ATP11C: variants seen among roughly 807,000 people sequenced by gnomAD.
The protein encoded by ATP11C is ATPase phospholipid transporting 11C (ATP11C blood group).
ATP11C carries 36 observed loss-of-function variants against 97.4 expected under a neutral mutation model. The ratio of observed to expected loss-of-function variants is 0.37; its 90% CI spans 0.28 to 0.49. ATP11C has a LOEUF of 0.49. Among genes scored for constraint, ATP11C ranks in the 20% least tolerant of loss-of-function variants. The pLI, the probability that ATP11C is intolerant of heterozygous loss-of-function variation, is 0.98. For missense variants in ATP11C, 730 were observed against 824.6 expected (o/e 0.89, Z 1.40); for synonymous variants, 275 against 290.9 (o/e 0.95, Z 0.56).
At chrX:139,859,186 C>T in intron 1 of ATP11C, among the ~76,000 whole-genome samples, 1 of 111,657 alleles carries the variant, frequency 9.0e-6, no homozygotes, top group South Asian at 3.7e-4. Context: ...AGAATAGCGG[C>T]AACTACAGGC....
At chrX:139,833,026 G>A (rs989816237) in intron 1 of ATP11C, among the ~76,000 whole-genome samples, 18 of 112,033 alleles carry the variant, frequency 1.6e-4, no homozygotes, top group African/African-American at 5.5e-4. Flanking sequence ...GAAGAGATAA[G>A]AAACTCTAGC....
chrX:139,779,391 G>A (rs778635392), intron 18 of ATP11C, among the ~76,000 whole-genome samples: 2 of 111,686 alleles, frequency 1.8e-5, no homozygotes, highest in Admixed American at 9.5e-5. Context: ...CATCTTCTCA[G>A]AACAGAGTGA....
chrX:139,888,690 A>T (rs891562802), intron 1 of ATP11C, among the ~76,000 whole-genome samples: 2 of 111,249 alleles, frequency 1.8e-5, no homozygotes, highest in African/African-American at 6.5e-5. Flanking sequence ...CTTAAGATAT[A>T]AAGTTAAATA....
At chrX:139,934,114 C>G (rs2085494167), upstream of ATP11C, among the ~76,000 whole-genome samples, 1 of 111,535 alleles carries the variant, frequency 9.0e-6, no homozygotes, top group African/African-American at 3.3e-5. Context: ...AGGGAGAGGT[C>G]GGTGAAAAAG....
intron 23 of ATP11C, 92 bp from the exon 24 acceptor site, chrX:139,750,244 A>C (rs1026042900): frequency 2.2e-6 from 2 of 896,810 alleles, no homozygotes; most frequent in African/African-American, 4.0e-5. Flanking sequence ...TTACTAGCTA[A>C]AATAAGAAAT....
chrX:139,898,293 T>C (rs988615405), intron 1 of ATP11C, among the ~76,000 whole-genome samples: 1 of 111,499 alleles, frequency 9.0e-6, no homozygotes, highest in Admixed American at 9.6e-5. Context: ...AATAGCTCAG[T>C]CACTACTATG....
chrX:139,796,480 AAG>A lies in ATP11C; in HGVS notation c.1009-12_1009-11del, dbSNP rs750789672. 290 of 1,087,377 alleles carry A rather than the reference AAG, an allele frequency of 2.7e-4. No homozygotes were observed. Among genetic ancestry groups the A allele is most frequent in the Non-Finnish European group, 2.4e-4 (186 of 789,190 alleles). 89.6% of individuals were successfully genotyped at this position (1,087,377 alleles called of 1,213,427 possible). A position where few individuals can be genotyped will look rare whatever the true frequency, so the allele number is the denominator to read the frequency against. Reference sequence around the variant, plus strand: ...TGAACATTTTTAAAACCTAAAATAAAAGAGATAGTTCATGCTAATTAGACATA... The same window carrying A: ...TGAACATTTTTAAAACCTAAAATAAAAGATAGTTCATGCTAATTAGACATA... On this transcript the variant is annotated splice_polypyrimidine_tract_variant and intron_variant, in intron 11 of 29. Transcript: ENST00000682941.
At chrX:139,833,965 T>A (rs1310822378) in intron 1 of ATP11C, among the ~76,000 whole-genome samples, 5 of 111,383 alleles carry the variant, frequency 4.5e-5, no homozygotes, top group Non-Finnish European at 9.4e-5. Context: ...AAGGATGAGG[T>A]TTGCAGATGT....
At chrX:139,778,452 C>T (rs2082390774) in intron 18 of ATP11C, among the ~76,000 whole-genome samples, 1 of 111,862 alleles carries the variant, frequency 8.9e-6, no homozygotes, top group Non-Finnish European at 1.9e-5. Context: ...GGAACAAAAC[C>T]TCACATATCA....
At chrX:139,742,874 AAAATAT>A (rs1258253357) in intron 26 of ATP11C, among the ~76,000 whole-genome samples, 137 of 24,169 alleles carry the variant, frequency 5.7e-3, no homozygotes, top group African/African-American at 0.023. Context: ...TAAAAAAAAA[AAAATAT>A]ATATATATAT....
At chrX:139,761,101 T>C (rs747161564) in intron 22 of ATP11C, among the ~76,000 whole-genome samples, 46 of 110,302 alleles carry the variant, frequency 4.2e-4, no homozygotes, top group Non-Finnish European at 6.8e-4. Flanking sequence ...CTGGCCAACA[T>C]GGTGAAACCC....
At chrX:139,823,886 G>A (rs1405920327) in intron 2 of ATP11C, among the ~76,000 whole-genome samples, 1 of 110,808 alleles carries the variant, frequency 9.0e-6, no homozygotes, top group African/African-American at 3.3e-5. Flanking sequence ...TCTATAGAAT[G>A]GCAGAAAATA....
At chrX:139,757,235 G>A (rs1276252039) in intron 23 of ATP11C, among the ~76,000 whole-genome samples, 1 of 110,855 alleles carries the variant, frequency 9.0e-6, no homozygotes. Context: ...GCTGTATTTC[G>A]CTATACCTCC....
intron 1 of ATP11C, among the ~76,000 whole-genome samples, chrX:139,871,270 G>T (rs1307281034): frequency 1.9e-5 from 2 of 105,252 alleles, no homozygotes; most frequent in African/African-American, 6.9e-5. Context: ...GTGCAGTGGC[G>T]TGATCTCGGC....
chrX:139,777,526 A>G (rs903118977), intron 18 of ATP11C, among the ~76,000 whole-genome samples: 8 of 111,300 alleles, frequency 7.2e-5, no homozygotes, highest in Admixed American at 3.8e-4. Context: ...GGGATTATGT[A>G]AAGCAACAAA....
intron 1 of ATP11C, among the ~76,000 whole-genome samples, chrX:139,838,000 A>G (rs1340253565): frequency 1.4e-4 from 16 of 112,293 alleles, no homozygotes; most frequent in Admixed American, 1.9e-4. Flanking sequence ...GTTCAGCTAT[A>G]AGACTACATG....
At chrX:139,911,180 T>C (rs1457655147) in intron 1 of ATP11C, among the ~76,000 whole-genome samples, 3 of 108,228 alleles carry the variant, frequency 2.8e-5, no homozygotes, top group Non-Finnish European at 5.8e-5. Flanking sequence ...AAAAAAAAAA[T>C]AGTAAAAGCA....
intron 18 of ATP11C, among the ~76,000 whole-genome samples, chrX:139,777,562 GAGAAA>G (rs763153862): frequency 9.0e-6 from 1 of 111,012 alleles, no homozygotes; most frequent in African/African-American, 3.3e-5. Context: ...GCATTTCTGA[GAGAAA>G]AGAAGAAAAA....
intron 1 of ATP11C, among the ~76,000 whole-genome samples, chrX:139,905,827 G>T (rs146047049): frequency 0.078 from 8,627 of 111,277 alleles, 425 homozygotes; most frequent in African/African-American, 0.17. Flanking sequence ...GGAAGATCAA[G>T]GGCAAAAATG....
Sources: gnomAD v4.1 joint callset for allele counts (sites outside exome capture counted in the v4.1 genomes callset) on GRCh38, gnomAD v4.1.1 for gene constraint, MANE v1.5 for transcripts, NCBI Gene and HGNC (gene_info 2026-07-23, HGNC 2026-07-21) for gene names.